The following RIPOR3 variants were observed in gnomAD, a reference collection of about 807,000 sequenced individuals.
RIPOR3 encodes RIPOR family member 3.
In RIPOR3, 95 loss-of-function variants were observed where a neutral mutation model predicts 114.3. That is an observed-to-expected ratio of 0.83 (90% CI 0.70 to 0.99). RIPOR3 has a LOEUF of 0.99. Ranked by LOEUF, RIPOR3 falls within the 50% of genes least tolerant of loss-of-function variation. The probability of loss-of-function intolerance (pLI) is 0.00; values close to 1 mark genes in which losing one functional copy is unlikely to be tolerated. For missense variants in RIPOR3, 1,252 were observed against 1,266.9 expected (o/e 0.99, Z 0.18); for synonymous variants, 575 against 543.8 (o/e 1.06, Z -0.80).
chr20:50,674,875 G>A (rs2086633585), intron 1 of RIPOR3, among the ~76,000 whole-genome samples: 1 of 151,844 alleles, frequency 6.6e-6, no homozygotes, highest in Non-Finnish European at 1.5e-5. Context: ...TTGAGGCCAG[G>A]AGTTCAAGAC....
intron 12 of RIPOR3, 65 bp downstream of exon 12, chr20:50,604,580 G>A: frequency 6.6e-7 from 1 of 1,522,404 alleles, no homozygotes; most frequent in Non-Finnish European, 8.8e-7. Flanking sequence ...GCTCAGCCCA[G>A]CTCCTGCGTG....
At position 50,587,295 on chromosome 20, in the gene RIPOR3, C is replaced by A. The variant is rs753005278; in HGVS notation, c.2790G>T (p.Lys930Asn). ...KGRLAFEKMD[K>N]LCSEQREVFC... is the part of the protein sequence containing the mutation. ...AGACTTCTCTTTGTTCTGAGCAGAG[C>A]TTGTCCATCTTCTCAAAAGCTAACC... is the stretch of plus-strand genomic sequence containing the variant. The change falls in exon 22 of 22, where the codon AAG becomes AAT. Residue 930 changes from lysine (K) to asparagine (N), a missense_variant. Lys to Asn is a moderately conservative substitution (Grantham distance 94, BLOSUM62 0). Coordinates refer to ENST00000327979, the MANE Select transcript of RIPOR3 (RefSeq NM_001290268.2). 1 of 1,614,200 alleles carries A rather than the reference C, an allele frequency of 6.2e-7. No homozygotes were observed.
intron 1 of RIPOR3, among the ~76,000 whole-genome samples, chr20:50,643,300 GTTT>G (rs35657879): frequency 7.7e-6 from 1 of 129,344 alleles, no homozygotes. Flanking sequence ...TTTTGTGTGT[GTTT>G]TTTTTTTTTT....
chr20:50,650,027 G>A (rs6126060), intron 1 of RIPOR3, among the ~76,000 whole-genome samples: 2 of 152,118 alleles, frequency 1.3e-5, no homozygotes, highest in African/African-American at 2.4e-5. Flanking sequence ...CTGGTGGGTC[G>A]GGGAGTGGGG....
At chr20:50,609,050 T>G in intron 8 of RIPOR3, 95 bp from the exon 9 acceptor site, 1 of 1,506,596 alleles carries the variant, frequency 6.6e-7, no homozygotes, top group South Asian at 1.2e-5. Flanking sequence ...GTATAGATTT[T>G]CAGTTTCAGT....
chr20:50,670,811 T>C (rs1312968118), intron 1 of RIPOR3, among the ~76,000 whole-genome samples: 1 of 152,060 alleles, frequency 6.6e-6, no homozygotes, highest in Non-Finnish European at 1.5e-5. Flanking sequence ...GAAGGACAGG[T>C]TTTAAGTCAG....
At chr20:50,635,630 C>T (rs982270629) in intron 1 of RIPOR3, among the ~76,000 whole-genome samples, 11 of 151,812 alleles carry the variant, frequency 7.2e-5, no homozygotes, top group Admixed American at 2.0e-4. Context: ...TCCAGCCTGG[C>T]TAACACAGTG....
At chr20:50,616,207 G>A in intron 3 of RIPOR3, 127 bp from the exon 4 acceptor site, 2 of 870,654 alleles carry the variant, frequency 2.3e-6, no homozygotes, top group Admixed American at 4.6e-5. Context: ...GAGGCAGGTA[G>A]GAAGCCAGGC....
intron 1 of RIPOR3, among the ~76,000 whole-genome samples, chr20:50,643,706 CT>C (rs71190582): frequency 0.15 from 19,616 of 134,296 alleles, 1,786 homozygotes; most frequent in African/African-American, 0.29. Flanking sequence ...TTCTTTCTTT[CT>C]TTTTTTTTTT....
chr20:50,658,223 A>G (rs922686819), intron 1 of RIPOR3, among the ~76,000 whole-genome samples: 4 of 152,232 alleles, frequency 2.6e-5, no homozygotes, highest in Non-Finnish European at 5.9e-5. Flanking sequence ...GAATGGATAA[A>G]CAAAATGTGG....
chr20:50,641,834 C>T (rs946392492), intron 1 of RIPOR3, among the ~76,000 whole-genome samples: 28 of 152,202 alleles, frequency 1.8e-4, no homozygotes, highest in Non-Finnish European at 3.4e-4. Context: ...CTGGAAGTGC[C>T]CGGCAGGACC....
intron 11 of RIPOR3, among the ~76,000 whole-genome samples, chr20:50,607,020 G>A (rs1374182321): frequency 1.5e-4 from 23 of 152,254 alleles, no homozygotes; most frequent in Admixed American, 1.2e-3. Context: ...GTGAGCCACC[G>A]CGCCCAACCT....
intron 1 of RIPOR3, among the ~76,000 whole-genome samples, chr20:50,670,879 G>A (rs1484703521): frequency 1.3e-5 from 2 of 152,112 alleles, no homozygotes; most frequent in Non-Finnish European, 2.9e-5. Context: ...GGCCTCCAGT[G>A]ATCCCACCTC....
At chr20:50,590,172 G>A (rs1443286466) in intron 19 of RIPOR3, among the ~76,000 whole-genome samples, 1 of 152,224 alleles carries the variant, frequency 6.6e-6, no homozygotes, top group African/African-American at 2.4e-5. Context: ...TGGGCCAGAG[G>A]GAAACCTGCC....
chr20:50,597,525 G>A, intron 14 of RIPOR3, 55 bp downstream of exon 14: 2 of 1,561,482 alleles, frequency 1.3e-6, no homozygotes, highest in Non-Finnish European at 1.7e-6. Context: ...TGGAGCTCGG[G>A]TCACCCGGTG....
At chr20:50,685,905 T>C (rs917184224) in intron 1 of RIPOR3, among the ~76,000 whole-genome samples, 26 of 151,334 alleles carry the variant, frequency 1.7e-4, no homozygotes, top group African/African-American at 6.3e-4. Context: ...TGGGCTCACA[T>C]GGAAAAATGT....
intron 1 of RIPOR3, among the ~76,000 whole-genome samples, chr20:50,677,662 G>A (rs184786796): frequency 0.058 from 8,617 of 148,208 alleles, 312 homozygotes; most frequent in South Asian, 0.12. Context: ...GTGAGCCACC[G>A]CGCCTGGCCT....
At chr20:50,616,501 C>G (rs1376202933) in intron 3 of RIPOR3, among the ~76,000 whole-genome samples, 1 of 152,010 alleles carries the variant, frequency 6.6e-6, no homozygotes, top group Admixed American at 6.6e-5. Context: ...TGCCACCACA[C>G]CTGGCTGATT....
intron 1 of RIPOR3, among the ~76,000 whole-genome samples, chr20:50,682,182 C>G (rs2086881414): frequency 6.6e-6 from 1 of 152,128 alleles, no homozygotes; most frequent in Non-Finnish European, 1.5e-5. Context: ...CAAATGGAAA[C>G]AACCCACATG....
Sources: gnomAD v4.1 joint callset for allele counts (sites outside exome capture counted in the v4.1 genomes callset) on GRCh38, gnomAD v4.1.1 for gene constraint, MANE v1.5 for transcripts, NCBI Gene and HGNC (gene_info 2026-07-23, HGNC 2026-07-21) for gene names.